ANKZF1: variants seen among roughly 807,000 people sequenced by gnomAD.
The protein encoded by ANKZF1 is tRNA endonuclease ANKZF1.
Under a neutral mutation model 86.0 loss-of-function variants are expected in ANKZF1, and 84 were observed. That is an observed-to-expected ratio of 0.98 (90% confidence interval 0.82 to 1.17). The LOEUF (loss-of-function observed/expected upper bound fraction) is 1.17, where lower values mean the gene tolerates loss of function less well. ANKZF1 is among the 50% of genes most tolerant of loss of function. The probability of loss-of-function intolerance (pLI) is 0.00; values close to 1 mark genes in which losing one functional copy is unlikely to be tolerated. For missense variants in ANKZF1, 893 were observed against 918.4 expected (o/e 0.97, Z 0.36); for synonymous variants, 331 against 354.2 (o/e 0.93, Z 0.74).
Position 219,235,108 on chromosome 2 carries a change from A to G in ANKZF1, c.1487A>G (p.Asn496Ser), listed in dbSNP as rs199921422. The change falls in exon 10 of 14, where the codon AAT (asparagine) becomes AGT (serine). Residue 496 changes from asparagine (N) to serine (S), a missense_variant. By Grantham distance (46) the Asn-to-Ser change is conservative. Coordinates refer to ENST00000323348, the MANE Select transcript of ANKZF1 (RefSeq NM_018089.3). ...GCCCCTGGTCAGCCAGAGCTCTGGA[A>G]TGCACTGCTTGCTGCTTGCCGAGCT... Reference protein sequence around the residue: ...AKAPGQPELWNALLAACRAGD... With the variant: ...AKAPGQPELWSALLAACRAGD... The G allele has an allele frequency of 4.2e-5, 68 of 1,614,180 alleles. No individual in the cohort carries two copies. The highest frequency in any genetic ancestry group is 4.9e-5 in the Non-Finnish European group (58 of 1,180,046).
chr2:219,234,908 G>A lies in ANKZF1; in HGVS notation c.1287G>A (p.Glu429=), dbSNP rs1951158068. 7 of 1,614,188 alleles carry A rather than the reference G, an allele frequency of 4.3e-6. No individual in the cohort carries two copies. Among genetic ancestry groups the A allele is most frequent in the Non-Finnish European group, 5.9e-6 (7 of 1,180,038 alleles). ...CTGTGGGGACTCTGGATCTTTGTGA[G>A]TCTGAAGTATTGCCCAAGCGGAGGA... is the stretch of plus-strand genomic sequence containing the variant. ...ELTVGTLDLC[E]SEVLPKRRRR... is the part of the protein sequence containing the mutation. Residue 429 remains glutamate (E), a synonymous_variant, in exon 10 of 14, where the codon GAG becomes GAA. Coordinates refer to ENST00000323348, the MANE Select transcript of ANKZF1 (RefSeq NM_018089.3).
chr2:219,233,489 G>A, intron 7 of ANKZF1, 56 bp downstream of exon 7: 2 of 1,514,872 alleles, frequency 1.3e-6, no homozygotes, highest in South Asian at 2.6e-5. Context: ...TTGCATCTCT[G>A]TTCAACTCAC....
chr2:219,233,035 A>C (rs1482218863), intron 5 of ANKZF1, 44 bp from the exon 6 acceptor site: 1 of 1,563,112 alleles, frequency 6.4e-7, no homozygotes, highest in Admixed American at 1.7e-5. Flanking sequence ...TCTTGCTCTC[A>C]GTGAATGCAA....
chr2:219,231,917 C>T lies in ANKZF1; in HGVS notation c.149-11C>T, dbSNP rs1195179447. The T allele has an allele frequency of 6.2e-7, 1 of 1,610,130 alleles. No individual in the cohort carries two copies. Among genetic ancestry groups the T allele is most frequent in the South Asian group, 1.1e-5 (1 of 90,992 alleles). On this transcript the variant is annotated splice_polypyrimidine_tract_variant and intron_variant, in intron 2 of 13. Transcript: ENST00000323348. ...TCCCTTTCTATGTCCAATTCCTCTT[C>T]CCTTATTTAGGCTCAGGGGAGAGAG...
At chr2:219,233,217 G>A in intron 6 of ANKZF1, 26 bp downstream of exon 6, 1 of 1,614,234 alleles carries the variant, frequency 6.2e-7, no homozygotes. Flanking sequence ...ATGGGGGTAA[G>A]GATGGAGTGG....
In ANKZF1 at chr2:219,235,756, A is replaced by G. The variant is rs1171227784; in HGVS notation, c.1852A>G (p.Lys618Glu). Residue 618 changes from lysine (K) to glutamate (E), a missense_variant, in exon 12 of 14, where the codon AAA becomes GAA. Lys to Glu is a moderately conservative substitution (Grantham distance 56, BLOSUM62 1). Transcript: ENST00000323348. ...AATGGAGGCACGGCAGGCTACACGG[A>G]AAAGGGAGCAGAAGGCAGCCCGGCG... ...PEMEARQATRKREQKAARRQR... is the reference protein window; with the variant it reads ...PEMEARQATREREQKAARRQR... 1 of 1,614,134 alleles carries G rather than the reference A, an allele frequency of 6.2e-7. No homozygotes were observed. Among genetic ancestry groups the G allele is most frequent in the East Asian group, 2.2e-5 (1 of 44,886 alleles).
rs1951091375 is a variant in ANKZF1 at position 219,233,143 on chromosome 2, T to G, written c.623T>G (p.Val208Gly). Residue 208 changes from valine (V) to glycine (G), a missense_variant, in exon 6 of 14, where the codon GTG becomes GGG. Coordinates refer to ENST00000323348, the MANE Select transcript of ANKZF1 (RefSeq NM_018089.3). Reference protein sequence around the residue: ...NLQSRGPRDCVVLMAAAGHFA... With the variant: ...NLQSRGPRDCGVLMAAAGHFA... ...CAAAGTAGAGGTCCCAGAGACTGCG[T>G]GGTGCTCATGGCTGCAGCTGGGCAC... 6.2e-7 allele frequency: 1 copy of G among 1,614,220 alleles called. No individual in the cohort carries two copies. The highest frequency in any genetic ancestry group is 1.1e-5 in the South Asian group (1 of 91,086).
At position 219,236,438 on chromosome 2, in the gene ANKZF1, C is replaced by G. The variant is rs758709575; in HGVS notation, c.2174C>G (p.Ser725Cys). The G allele has an allele frequency of 3.1e-6, 5 of 1,601,860 alleles. No homozygotes were observed. The African/African-American group carries it at 5.4e-5, about 17-fold the overall frequency. ...CATCGCCGTCAGGCAGGGAGGCCCT[C>G]TTCCTGATCTCTTACAGCTCTACCT... ...QDHRRQAGRP[S>C]S The change falls in exon 14 of 14, where the codon TCT (serine) becomes TGT (cysteine). Residue 725 changes from serine (S) to cysteine (C), a missense_variant. By Grantham distance (112) the Ser-to-Cys change is moderately radical (BLOSUM62 -1). Transcript: ENST00000323348.
rs1223960442 is a variant in ANKZF1 at position 219,232,632 on chromosome 2, T to C, written c.507T>C (p.Asn169=). The C allele has an allele frequency of 2.5e-6, 4 of 1,614,066 alleles. No individual in the cohort carries two copies. The African/African-American group carries it at 4.0e-5, about 16-fold the overall frequency. Residue 169 remains asparagine, a synonymous_variant, in exon 5 of 14, where the codon AAT becomes AAC. Coordinates refer to ENST00000323348, the MANE Select transcript of ANKZF1 (RefSeq NM_018089.3). Reference sequence around the variant, plus strand: ...ACCCTCATCGAGTTCTTTTCCAGAATGCCCAGGGCCAGTTTCTTTATGCCT... The same window carrying C: ...ACCCTCATCGAGTTCTTTTCCAGAACGCCCAGGGCCAGTTTCTTTATGCCT... The part of the protein sequence containing the change: ...GFYPHRVLFQ[N]AQGQFLYAYR...
rs2293079 is a variant in ANKZF1 at position 219,236,065 on chromosome 2, C to T, written c.2027C>T (p.Pro676Leu). 184,265 of 1,614,110 alleles carry T rather than the reference C, an allele frequency of 0.11. 10,924 individuals carry two copies. Among genetic ancestry groups the T allele is most frequent in the Middle Eastern group, 0.13 (777 of 6,062 alleles). Reference sequence around the variant, plus strand: ...GCCCAGTTGGGAGCCCCTACCTCTCCAATCCCTGACTCTGCAATCGTCAAT... The same window carrying T: ...GCCCAGTTGGGAGCCCCTACCTCTCTAATCCCTGACTCTGCAATCGTCAAT... Reference protein sequence around the residue: ...LAAQLGAPTSPIPDSAIVNTR... With the variant: ...LAAQLGAPTSLIPDSAIVNTR... The change falls in exon 13 of 14, where the codon CCA becomes CTA. Residue 676 changes from proline (P) to leucine (L), a missense_variant. Coordinates refer to ENST00000323348, the MANE Select transcript of ANKZF1 (RefSeq NM_018089.3).
chr2:219,234,684 T>G (rs1951149747), intron 9 of ANKZF1, 142 bp from the exon 10 acceptor site: 3 of 1,120,064 alleles, frequency 2.7e-6, no homozygotes, highest in Admixed American at 2.5e-5. Flanking sequence ...GCATGTGATA[T>G]AATGGACTCA....
intron 9 of ANKZF1, 48 bp from the exon 10 acceptor site, chr2:219,234,778 C>G: frequency 6.5e-7 from 1 of 1,549,664 alleles, no homozygotes; most frequent in South Asian, 1.2e-5. Context: ...CTGCTTCTAC[C>G]CTCTGAGTAC....
Position 219,235,663 on chromosome 2 carries a change from T to C in ANKZF1, c.1804-45T>C, listed in dbSNP as rs756420381. 2.3e-5 allele frequency: 37 copies of C among 1,611,346 alleles called. No homozygotes were observed. In the South Asian group the frequency reaches 4.0e-4, roughly 17 times the overall value. ...CTAGATCCTTTCTACTTCTTGCAGT[T>C]TTACCAAAGATAACTTATAGGGTCT... On this transcript the variant is annotated intron_variant, in intron 11 of 13. Coordinates refer to ENST00000323348, the MANE Select transcript of ANKZF1 (RefSeq NM_018089.3).
chr2:219,234,884 T>G lies in ANKZF1; in HGVS notation c.1263T>G (p.Thr421=), dbSNP rs751584320. The change falls in exon 10 of 14, where the codon ACT becomes ACG. Residue 421 remains threonine, a synonymous_variant. Coordinates refer to ENST00000323348, the MANE Select transcript of ANKZF1 (RefSeq NM_018089.3). Reference sequence around the variant, plus strand: ...TAGAGTTGGAGCTAGTGGAGTTGACTGTGGGGACTCTGGATCTTTGTGAGT... The same window carrying G: ...TAGAGTTGGAGCTAGTGGAGTTGACGGTGGGGACTCTGGATCTTTGTGAGT... ...FQVELELVEL[T]VGTLDLCESE... 1.9e-6 allele frequency: 3 copies of G among 1,614,166 alleles called. No homozygotes were observed. The highest frequency in any genetic ancestry group is 2.5e-6 in the Non-Finnish European group (3 of 1,180,028).
At chr2:219,231,734 A>G in intron 2 of ANKZF1, 194 bp from the exon 3 acceptor site, 1 of 542,494 alleles carries the variant, frequency 1.8e-6, no homozygotes, top group Non-Finnish European at 3.3e-6. Flanking sequence ...ACATGTTTTC[A>G]GAAGCATGTT....
rs185752150 is a variant in ANKZF1, at chr2:219,234,864, T to G, written c.1243T>G (p.Leu415Val). The G allele has an allele frequency of 2.9e-5, 46 of 1,613,732 alleles. No individual in the cohort carries two copies. In the East Asian group the frequency reaches 8.7e-4, roughly 30 times the overall value. Residue 415 changes from leucine to valine, a missense_variant, in exon 10 of 14, where the codon TTG (leucine) becomes GTG (valine). Leu to Val is a conservative substitution (Grantham distance 32). Coordinates refer to ENST00000323348, the MANE Select transcript of ANKZF1 (RefSeq NM_018089.3). ...GGGAGAAGATGGCTTTCAGGTAGAG[T>G]TGGAGCTAGTGGAGTTGACTGTGGG... ...SEGEDGFQVE[L>V]ELVELTVGTL...
At chr2:219,230,052 C>A in intron 1 of ANKZF1, 152 bp downstream of exon 1, 1 of 517,362 alleles carries the variant, frequency 1.9e-6, no homozygotes, top group Non-Finnish European at 3.4e-6. Context: ...CTTTTGTGGG[C>A]TGAGACTGGG....
chr2:219,234,696 C>T, intron 9 of ANKZF1, 130 bp from the exon 10 acceptor site: 4 of 1,248,326 alleles, frequency 3.2e-6, no homozygotes, highest in Non-Finnish European at 4.4e-6. Flanking sequence ...ATGGACTCAG[C>T]TCTTGATGTG....
Position 219,231,926 on chromosome 2 carries a change from A to G in ANKZF1, c.149-2A>G. On this transcript the variant is annotated splice_acceptor_variant, in intron 2 of 13. Coordinates refer to ENST00000323348, the MANE Select transcript of ANKZF1 (RefSeq NM_018089.3). LOFTEE classifies it high-confidence loss of function. Reference sequence around the variant, plus strand: ...ATGTCCAATTCCTCTTCCCTTATTTAGGCTCAGGGGAGAGAGAAAGCCCAG... The same window carrying G: ...ATGTCCAATTCCTCTTCCCTTATTTGGGCTCAGGGGAGAGAGAAAGCCCAG... 6.2e-7 allele frequency: 1 copy of G among 1,611,738 alleles called. No individual in the cohort carries two copies. The highest frequency in any genetic ancestry group is 8.5e-7 in the Non-Finnish European group (1 of 1,177,978).
Sources: allele counts gnomAD v4.1 joint callset, GRCh38; gene constraint gnomAD v4.1.1; transcripts MANE v1.5; gene names NCBI Gene and HGNC (gene_info 2026-07-23, HGNC 2026-07-21).